POMGNT2: variants seen among roughly 807,000 people sequenced by gnomAD.
POMGNT2 encodes protein O-linked mannose N-acetylglucosaminyltransferase 2 (beta 1,4-).
POMGNT2 carries 32 observed loss-of-function variants against 37.8 expected under a neutral mutation model. The observed-to-expected ratio is 0.85, with a 90% CI of 0.64 to 1.14. The LOEUF (loss-of-function observed/expected upper bound fraction) is 1.14, where lower values mean the gene tolerates loss of function less well. POMGNT2 is among the 50% of genes most tolerant of loss of function. POMGNT2 has a pLI of 0.00. For synonymous variants in POMGNT2, 340 were observed against 336.8 expected (o/e 1.01, Z -0.10); for missense variants, 705 against 780.6 (o/e 0.90, Z 1.15).
chr3:43,079,956 C>T lies in POMGNT2; in HGVS notation c.1476G>A (p.Ala492=), dbSNP rs371889758. ...GGGCCTCGGAGGCGCCATGCACTGA[C>T]GCCTGGCACCGTGCCTCCCGCACCT... ...PGKVREARCQ[A]SVHGASEARL... The change falls in exon 2 of 2, where the codon GCG becomes GCA. Residue 492 remains alanine, a synonymous_variant. Transcript: ENST00000344697. The T allele has an allele frequency of 1.1e-5, 18 of 1,613,864 alleles. No individual in the cohort carries two copies. The highest frequency in any genetic ancestry group is 6.7e-5 in the African/African-American group (5 of 74,952).
rs1477485201 is a variant in POMGNT2, at chr3:43,106,044, C to T, written c.-314G>A. ...CAGGCTCGCAGGTGTCCGCCGTGCG[C>T]CTGCCCGGCGGGCGAGCCCGGCGCG... On this transcript the variant is annotated 5_prime_UTR_variant, in exon 1 of 2. Coordinates refer to ENST00000344697, the MANE Select transcript of POMGNT2 (RefSeq NM_032806.6). 2.0e-5 allele frequency: 3 copies of T among 151,660 alleles called. No homozygotes were observed. Among genetic ancestry groups the T allele is most frequent in the African/African-American group, 4.8e-5 (2 of 41,404 alleles). 9.4% of individuals were successfully genotyped at this position (151,660 alleles called of 1,614,324 possible). A position where few individuals can be genotyped will look rare whatever the true frequency, so the allele number is the denominator to read the frequency against.
rs1559415129 is a variant in POMGNT2, at chr3:43,081,405, G to A, written c.27C>T (p.Ala9=). The A allele has an allele frequency of 6.3e-7, 1 of 1,592,246 alleles. No homozygotes were observed. The highest frequency in any genetic ancestry group is 8.5e-7 in the Non-Finnish European group (1 of 1,170,760). MHLSAVFN[A]LLVSVLAAVL... ...CCGCTGCCAGCACCGACACCAGGAG[G>A]GCGTTGAACACCGCCGAGAGGTGCA... Residue 9 remains alanine (A), a synonymous_variant, in exon 2 of 2, where the codon GCC becomes GCT. Coordinates refer to ENST00000344697, the MANE Select transcript of POMGNT2 (RefSeq NM_032806.6).
intron 1 of POMGNT2, among the ~76,000 whole-genome samples, chr3:43,095,654 G>A (rs2089974688): frequency 1.3e-5 from 2 of 152,160 alleles, no homozygotes; most frequent in South Asian, 2.1e-4. Context: ...ATGAGGAACC[G>A]GAGGTTGAGG....
At chr3:43,081,659 G>A (rs1649446975) in intron 1 of POMGNT2, 123 bp from the exon 2 acceptor site, 7 of 540,014 alleles carry the variant, frequency 1.3e-5, no homozygotes, top group Non-Finnish European at 1.9e-5. Context: ...CTGGATCCTT[G>A]CAGCCATTGT....
intron 1 of POMGNT2, chr3:43,087,894 C>T (rs1371549408): frequency 6.6e-6 from 1 of 152,236 alleles, no homozygotes; most frequent in Non-Finnish European, 1.5e-5. Context: ...ACCCCAGCTC[C>T]TCGACCTACT....
At chr3:43,105,091 G>A (rs1190709520) in intron 1 of POMGNT2, among the ~76,000 whole-genome samples, 1 of 152,208 alleles carries the variant, frequency 6.6e-6, no homozygotes, top group Admixed American at 6.5e-5. Flanking sequence ...CCAAGAGTAC[G>A]CTCTAAGTGT....
chr3:43,105,558 TCCCCGGC>T (rs1409739225), intron 1 of POMGNT2, among the ~76,000 whole-genome samples: 7 of 147,148 alleles, frequency 4.8e-5, no homozygotes, highest in Non-Finnish European at 1.1e-4. Context: ...GTTGCCCAGG[TCCCCGGC>T]CCCCGGCCCC....
At position 43,081,536 on chromosome 3, in the gene POMGNT2, C is replaced by G; in HGVS notation, c.-105G>C. 1 of 966,330 alleles carries G rather than the reference C, an allele frequency of 1.0e-6. No individual in the cohort carries two copies. Among genetic ancestry groups the G allele is most frequent in the African/African-American group, 1.6e-5 (1 of 60,888 alleles). 59.9% of individuals were successfully genotyped at this position (966,330 alleles called of 1,614,324 possible). On this transcript the variant is annotated splice_region_variant and 5_prime_UTR_variant, in exon 2 of 2. Coordinates refer to ENST00000344697, the MANE Select transcript of POMGNT2 (RefSeq NM_032806.6). The stretch of plus-strand genomic sequence containing the variant: ...TGGGCATCCTGAGAACTGGTGAAAG[C>G]CTGCAGGAGGAGAGAAGGAAAAGAA...
At chr3:43,089,886 T>C (rs1359188903) in intron 1 of POMGNT2, among the ~76,000 whole-genome samples, 1 of 151,932 alleles carries the variant, frequency 6.6e-6, no homozygotes, top group African/African-American at 2.4e-5. Flanking sequence ...GAAAGGAGAA[T>C]ATAGTGGGGC....
intron 1 of POMGNT2, among the ~76,000 whole-genome samples, chr3:43,094,493 G>C (rs2089965454): frequency 6.6e-6 from 1 of 152,244 alleles, no homozygotes; most frequent in African/African-American, 2.4e-5. Context: ...GCAGCAAGGA[G>C]GCAAGGGAAG....
chr3:43,098,474 AGGTTTTCTGACCAAG>A lies in POMGNT2; in HGVS notation c.-106+7347_-106+7361del, dbSNP rs1458561534. Among the ~76,000 whole-genome samples the A allele has an allele frequency of 4.6e-5, 7 of 152,202 alleles. No individual in the cohort carries two copies. Among genetic ancestry groups the A allele is most frequent in the African/African-American group, 1.7e-4 (7 of 41,436 alleles). On this transcript the variant is annotated intron_variant, in intron 1 of 1. Coordinates refer to ENST00000344697, the MANE Select transcript of POMGNT2 (RefSeq NM_032806.6). The surrounding 1 kb of genome is among the most constrained non-coding windows in gnomAD (Gnocchi z 4.3). ...TTGATAAATTCGGCATTTATAGATCAGGTTTTCTGACCAAGGTATTTATCCTTTGGCAAAATCTTG... is the reference window on the plus strand; with the variant it reads ...TTGATAAATTCGGCATTTATAGATCAGTATTTATCCTTTGGCAAAATCTTG...
At chr3:43,086,602 C>G (rs1014197453) in intron 1 of POMGNT2, among the ~76,000 whole-genome samples, 3 of 152,188 alleles carry the variant, frequency 2.0e-5, no homozygotes, top group African/African-American at 7.2e-5. Context: ...CAGCAGGAAC[C>G]CTGCAGAACT....
intron 1 of POMGNT2, among the ~76,000 whole-genome samples, chr3:43,088,964 A>G (rs2089920733): frequency 6.6e-6 from 1 of 152,202 alleles, no homozygotes; most frequent in African/African-American, 2.4e-5. Context: ...GCATGAGGCA[A>G]ACATGCAGGG....
At chr3:43,100,438 G>C (rs1329438632) in intron 1 of POMGNT2, among the ~76,000 whole-genome samples, 1 of 152,160 alleles carries the variant, frequency 6.6e-6, no homozygotes, top group Non-Finnish European at 1.5e-5. Flanking sequence ...TTGGATTCTG[G>C]TATCTGTGGG....
chr3:43,090,082 G>C (rs1421344128), intron 1 of POMGNT2, among the ~76,000 whole-genome samples: 1 of 152,110 alleles, frequency 6.6e-6, no homozygotes, highest in Non-Finnish European at 1.5e-5. Flanking sequence ...AAATCCTGCA[G>C]CTGAGAAATC....
rs558061712 is a variant in POMGNT2, at chr3:43,084,332, C to T, written c.-105-2796G>A. Among the ~76,000 whole-genome samples the T allele has an allele frequency of 3.7e-4, 57 of 152,032 alleles. 1 individual carries two copies. The South Asian group carries it at 0.011, about 29-fold the overall frequency. ...CTGCTCTCCTAGGACTCCAATTACACCAATGCTAGATTAAAAAAAAAAAAT... is the reference window on the plus strand; with the variant it reads ...CTGCTCTCCTAGGACTCCAATTACATCAATGCTAGATTAAAAAAAAAAAAT... On this transcript the variant is annotated intron_variant, in intron 1 of 1. Coordinates refer to ENST00000344697, the MANE Select transcript of POMGNT2 (RefSeq NM_032806.6).
chr3:43,095,898 C>T (rs976884365), intron 1 of POMGNT2, among the ~76,000 whole-genome samples: 1 of 152,154 alleles, frequency 6.6e-6, no homozygotes, highest in African/African-American at 2.4e-5. Context: ...ACTTTGCAGC[C>T]CAGTCCCCTC....
intron 1 of POMGNT2, among the ~76,000 whole-genome samples, chr3:43,088,940 T>C (rs1180202336): frequency 6.6e-6 from 1 of 152,210 alleles, no homozygotes; most frequent in African/African-American, 2.4e-5. Flanking sequence ...GAGAACTTGT[T>C]TGCAAAGTGT....
At chr3:43,088,665 A>G (rs2089917872) in intron 1 of POMGNT2, among the ~76,000 whole-genome samples, 2 of 152,222 alleles carry the variant, frequency 1.3e-5, no homozygotes, top group South Asian at 4.1e-4. Context: ...GAGGTGTCGC[A>G]TGCCATGTTC....
Sources: allele counts gnomAD v4.1 joint callset (sites outside exome capture counted in the v4.1 genomes callset), GRCh38; gene constraint gnomAD v4.1.1; non-coding constraint Gnocchi (gnomAD v3.1); transcripts MANE v1.5; gene names NCBI Gene and HGNC (gene_info 2026-07-23, HGNC 2026-07-21).